The following RRM1 variants were observed in gnomAD, a reference collection of about 807,000 sequenced individuals.
RRM1 encodes ribonucleotide reductase catalytic subunit M1, also known as ribonucleoside-diphosphate reductase large subunit.
RRM1 carries 19 observed loss-of-function variants against 101.5 expected under a neutral mutation model. That is an observed-to-expected ratio of 0.19 (90% CI 0.13 to 0.27). The LOEUF (loss-of-function observed/expected upper bound fraction) is 0.27, where lower values mean the gene tolerates loss of function less well. RRM1 is among the 10% of genes least tolerant of loss of function. RRM1 has a pLI of 1.00. For missense variants in RRM1, 500 were observed against 962.9 expected (o/e 0.52, Z 6.36); for synonymous variants, 298 against 323.4 (o/e 0.92, Z 0.84).
At position 4,096,809 on chromosome 11, in the gene RRM1, C is replaced by T. The variant is rs1032974861; in HGVS notation, c.19+1778C>T. Among the ~76,000 whole-genome samples, 7 of 151,980 alleles carry T rather than the reference C, an allele frequency of 4.6e-5. No individual in the cohort carries two copies. In the East Asian group the frequency reaches 1.4e-3, roughly 29 times the overall value. ...TGGGAGCCACCGCACCTGGCTTGAG[C>T]ATCTATTTTTTAAATCTTTAGATAT... On this transcript the variant is annotated intron_variant, in intron 1 of 18. Transcript: ENST00000300738.
At position 4,109,641 on chromosome 11, in the gene RRM1, C is replaced by G. The variant is rs907716286; in HGVS notation, c.388-3C>G. 6.2e-7 allele frequency: 1 copy of G among 1,604,650 alleles called. No homozygotes were observed. Among genetic ancestry groups the G allele is most frequent in the Admixed American group, 1.7e-5 (1 of 59,164 alleles). On this transcript the variant is annotated splice_region_variant and splice_polypyrimidine_tract_variant and intron_variant, in intron 4 of 18. Coordinates refer to ENST00000300738, the MANE Select transcript of RRM1 (RefSeq NM_001033.5). ...ATTATGGGTTCTTTTTCACCCCTAT[C>G]AGCGCCTGAATTCTGCTATTATCTA...
intron 9 of RRM1, among the ~76,000 whole-genome samples, chr11:4,120,474 C>T (rs1300874922): frequency 6.6e-6 from 1 of 151,964 alleles, no homozygotes; most frequent in Non-Finnish European, 1.5e-5. Flanking sequence ...AGTGATTCTT[C>T]TGCCTCAGCC....
rs527977932 is a variant in RRM1, at chr11:4,104,706, A to G, written c.109-1340A>G. Among the ~76,000 whole-genome samples, 3 of 152,342 alleles carry G rather than the reference A, an allele frequency of 2.0e-5. No individual in the cohort carries two copies. In the South Asian group the frequency reaches 6.2e-4, roughly 32 times the overall value. Reference sequence around the variant, plus strand: ...GATTGTGAAATGTCAGAGATTATCAAAGTTGATAATTACTTATCAACTTTG... The same window carrying G: ...GATTGTGAAATGTCAGAGATTATCAGAGTTGATAATTACTTATCAACTTTG... On this transcript the variant is annotated intron_variant, in intron 2 of 18. Coordinates refer to ENST00000300738, the MANE Select transcript of RRM1 (RefSeq NM_001033.5).
Position 4,119,874 on chromosome 11 carries a change from G to C in RRM1, c.822G>C (p.Pro274=). 1.2e-6 allele frequency: 2 copies of C among 1,606,978 alleles called. No homozygotes were observed. Among genetic ancestry groups the C allele is most frequent in the South Asian group, 1.1e-5 (1 of 90,746 alleles). The change falls in exon 9 of 19, where the codon CCG becomes CCC. Residue 274 remains proline (P), a synonymous_variant. Transcript: ENST00000300738. The part of the protein sequence containing the change: ...GTNGNSNGLV[P]MLRVYNNTAR... ...ATGGCAATTCCAATGGCCTTGTACC[G>C]ATGCTGAGAGTATATAACAACACAG...
At chr11:4,111,487 G>T in intron 5 of RRM1, 114 bp from the exon 6 acceptor site, 1 of 580,550 alleles carries the variant, frequency 1.7e-6, no homozygotes, top group Non-Finnish European at 3.0e-6. Context: ...CTTTTCATTT[G>T]AAATTTTATA....
chr11:4,133,542 A>AT, intron 16 of RRM1, 21 bp from the exon 17 acceptor site: 1 of 1,482,242 alleles, frequency 6.7e-7, no homozygotes, highest in Non-Finnish European at 9.4e-7. Flanking sequence ...TTCTTCATAC[A>AT]TTTTCTGCTT....
intron 13 of RRM1, 72 bp from the exon 14 acceptor site, chr11:4,126,963 A>T: frequency 1.4e-6 from 2 of 1,467,054 alleles, no homozygotes; most frequent in Non-Finnish European, 1.9e-6. Context: ...AGTCTGTCTC[A>T]TTTGGTACAG....
At chr11:4,124,100 A>T (rs1466360397) in intron 12 of RRM1, among the ~76,000 whole-genome samples, 3 of 152,202 alleles carry the variant, frequency 2.0e-5, no homozygotes, top group East Asian at 3.8e-4. Flanking sequence ...AATTATTGGA[A>T]TATGGAGAGA....
chr11:4,131,962 T>C (rs2094601305), intron 15 of RRM1, among the ~76,000 whole-genome samples: 1 of 152,192 alleles, frequency 6.6e-6, no homozygotes, highest in Admixed American at 6.5e-5. Context: ...CGCAAGATAG[T>C]GTATCAAGTG....
chr11:4,096,897 A>T (rs1344600021), intron 1 of RRM1, among the ~76,000 whole-genome samples: 2 of 151,960 alleles, frequency 1.3e-5, no homozygotes, highest in Non-Finnish European at 2.9e-5. Context: ...AAATGTATGG[A>T]CTTAGATGAC....
At chr11:4,130,086 ATTTTTTTT>A (rs796657105) in intron 15 of RRM1, among the ~76,000 whole-genome samples, 10 of 99,436 alleles carry the variant, frequency 1.0e-4, no homozygotes, top group South Asian at 3.1e-4. Flanking sequence ...ATATATATAT[ATTTTTTTT>A]TTTTTTTTTT....
intron 15 of RRM1, 51 bp downstream of exon 15, chr11:4,129,201 C>T (rs759959440): frequency 6.8e-6 from 7 of 1,028,514 alleles, no homozygotes; most frequent in South Asian, 1.4e-5. Context: ...TTTAGGTTCA[C>T]CTTCTGGATC....
In RRM1 at chr11:4,132,245, G is replaced by A. The variant is rs2094601797; in HGVS notation, c.1770-41G>A. ...AAAGTAGCTGCTTTCCTGGCAGATT[G>A]TAGCTTTGGGACTAGTACCTGATAA... On this transcript the variant is annotated intron_variant, in intron 15 of 18. Transcript: ENST00000300738. The surrounding 1 kb of genome is among the most constrained non-coding windows in gnomAD (Gnocchi z 4.1). The A allele has an allele frequency of 6.2e-7, 1 of 1,609,018 alleles. No homozygotes were observed.
rs2133323124 is a variant in RRM1, at chr11:4,132,851, A to G, written c.1905+430A>G. ...TTTTTTCTTTGTTTTTAAGGTTCCC[A>G]GGTAATTCTTATGTGTAGCTAGGGT... On this transcript the variant is annotated intron_variant, in intron 16 of 18. Coordinates refer to ENST00000300738, the MANE Select transcript of RRM1 (RefSeq NM_001033.5). The surrounding 1 kb of genome is among the most constrained non-coding windows in gnomAD (Gnocchi z 4.1). 6.6e-6 allele frequency among the ~76,000 whole-genome samples: 1 copy of G among 152,294 alleles called. No homozygotes were observed. Among genetic ancestry groups the G allele is most frequent in the Non-Finnish European group, 1.5e-5 (1 of 68,024 alleles).
At chr11:4,098,413 T>TCCTCCTTC (rs2094546539) in intron 1 of RRM1, among the ~76,000 whole-genome samples, 1 of 115,738 alleles carries the variant, frequency 8.6e-6, no homozygotes, top group South Asian at 4.1e-4. Context: ...CTCCGTCCCT[T>TCCTCCTTC]CCTCCTTCCT....
Position 4,126,767 on chromosome 11 carries a change from A to C in RRM1, c.1404A>C (p.Glu468Asp), listed in dbSNP as rs2094590242. The change falls in exon 13 of 19, where the codon GAA (glutamate) becomes GAC (aspartate). Residue 468 changes from glutamate to aspartate, a missense_variant. Around this residue, in one of 9 missense-constraint regions of RRM1, gnomAD observed 80 missense variants for 170.9 expected, o/e 0.47. Coordinates refer to ENST00000300738, the MANE Select transcript of RRM1 (RefSeq NM_001033.5). ...CATACGACTTTAAGAAGTTGGCTGA[A>C]GTCACTAAAGTCGTTGTCCGAAACT... ...EHTYDFKKLA[E>D]VTKVVVRNLN... 6.2e-7 allele frequency: 1 copy of C among 1,613,776 alleles called. No homozygotes were observed. Among genetic ancestry groups the C allele is most frequent in the Admixed American group, 1.7e-5 (1 of 60,000 alleles).
At chr11:4,130,086 A>ATATATATATATATATATATATATT (rs1202870487) in intron 15 of RRM1, among the ~76,000 whole-genome samples, 1 of 99,482 alleles carries the variant, frequency 1.0e-5, no homozygotes, top group African/African-American at 5.4e-5. Context: ...ATATATATAT[A>ATATATATATATATATATATATATT]TTTTTTTTTT....
Position 4,106,154 on chromosome 11 carries a change from G to A in RRM1, c.217G>A (p.Asp73Asn). The change falls in exon 3 of 19, where the codon GAC becomes AAC. Residue 73 changes from aspartate (D) to asparagine (N), a missense_variant. Transcript: ENST00000300738. ...TGCAACCTTGACTACTAAGCACCCTGACTATGCTATCCTGGCAGCCAGGAT... is the reference window on the plus strand; with the variant it reads ...TGCAACCTTGACTACTAAGCACCCTAACTATGCTATCCTGGCAGCCAGGAT... ...TAATLTTKHP[D>N]YAILAARIAV... The A allele has an allele frequency of 6.8e-6, 11 of 1,614,094 alleles. No individual in the cohort carries two copies. Among genetic ancestry groups the A allele is most frequent in the Non-Finnish European group, 9.3e-6 (11 of 1,179,974 alleles).
At chr11:4,119,786 A>AT (rs933329631) in intron 8 of RRM1, 59 bp from the exon 9 acceptor site, 5 of 1,041,780 alleles carry the variant, frequency 4.8e-6, no homozygotes, top group African/African-American at 4.7e-5. Flanking sequence ...GAATGGGGCC[A>AT]TTTTTTTCTT....
Sources: allele counts gnomAD v4.1 joint callset (sites outside exome capture counted in the v4.1 genomes callset), GRCh38; gene constraint gnomAD v4.1.1; regional missense constraint gnomAD v4.1.1; non-coding constraint Gnocchi (gnomAD v3.1); transcripts MANE v1.5; gene names NCBI Gene and HGNC (gene_info 2026-07-23, HGNC 2026-07-21).